Variants in WDR31 observed in about 807,000 individuals in gnomAD.
WDR31 encodes WD repeat domain 31.
WDR31 carries 30 observed loss-of-function variants against 47.3 expected under a neutral mutation model. The ratio of observed to expected loss-of-function variants is 0.63; its 90% CI spans 0.47 to 0.86. The LOEUF is 0.86. Ranked by LOEUF, WDR31 falls within the 40% of genes least tolerant of loss-of-function variation. The pLI is 0.00. For synonymous variants in WDR31, 137 were observed against 159.4 expected, an observed-to-expected ratio of 0.86 and a Z score of 1.06; for missense variants, 406 against 442.9, an observed-to-expected ratio of 0.92 and a Z score of 0.75.
rs191514399 is a variant in WDR31, at chr9:113,317,813, G to A, written c.943+662C>T. 1.5e-3 allele frequency among the ~76,000 whole-genome samples: 224 copies of A among 152,306 alleles called. 2 individuals are homozygous for A. The highest frequency in any genetic ancestry group is 5.1e-3 in the African/African-American group (212 of 41,544). On this transcript the variant is annotated intron_variant, in intron 10 of 10. Transcript: ENST00000374193. ...TGGGGTGCTGGTAAACCAGCTTTCT[G>A]GAAGAGAAAACACCACCACCACCGA...
rs1193300476 is a variant in WDR31 at position 113,331,037 on chromosome 9, A to G, written c.196T>C (p.Ser66Pro). ...TCTGAGTTCAAAGCAGCCACGACAG[A>G]GACGGTATCCATGTGAGCTGGGCTA... ...EYSPAHMDTV[S>P]VVAALNSDLC... The change falls in exon 4 of 11, where the codon TCT (serine) becomes CCT (proline). Residue 66 changes from serine to proline, a missense_variant. Physicochemically the swap from Ser to Pro is moderately conservative, Grantham distance 74. Transcript: ENST00000374193. The G allele has an allele frequency of 6.2e-7, 1 of 1,612,428 alleles. No individual in the cohort carries two copies. Among genetic ancestry groups the G allele is most frequent in the African/African-American group, 1.3e-5 (1 of 74,882 alleles).
At position 113,325,468 on chromosome 9, in the gene WDR31, G is replaced by A. The variant is rs78828876; in HGVS notation, c.325-2313C>T. Among the ~76,000 whole-genome samples, 437 of 151,896 alleles carry A rather than the reference G, an allele frequency of 2.9e-3. 12 individuals are homozygous for A. In the East Asian group the frequency reaches 0.069, roughly 24 times the overall value. On this transcript the variant is annotated intron_variant, in intron 5 of 10. Coordinates refer to ENST00000374193, the MANE Select transcript of WDR31 (RefSeq NM_001012361.4). ...CTATAAAATTGTATATTTGTTTTTAGAGTTATTTTTCCCTTTATATTTTTA... is the reference window on the plus strand; with the variant it reads ...CTATAAAATTGTATATTTGTTTTTAAAGTTATTTTTCCCTTTATATTTTTA...
intron 5 of WDR31, among the ~76,000 whole-genome samples, chr9:113,326,940 A>G (rs760827233): frequency 7.2e-5 from 11 of 151,978 alleles, no homozygotes; most frequent in Non-Finnish European, 1.5e-4. Context: ...GACTCAAGTG[A>G]TCCTTCCACA....
Position 113,328,871 on chromosome 9 carries a change from T to G in WDR31, c.324+10A>C. 6.2e-7 allele frequency: 1 copy of G among 1,610,366 alleles called. No individual in the cohort carries two copies. Among genetic ancestry groups the G allele is most frequent in the Non-Finnish European group, 8.5e-7 (1 of 1,176,518 alleles). On this transcript the variant is annotated intron_variant, in intron 5 of 10. Transcript: ENST00000374193. ...CCAGATTGCCTTCATAATAATCATT[T>G]GAAAATTACCTTGGTGATCTCATGT...
At chr9:113,324,607 C>G (rs1299379923) in intron 5 of WDR31, among the ~76,000 whole-genome samples, 2 of 151,900 alleles carry the variant, frequency 1.3e-5, no homozygotes, top group Admixed American at 1.3e-4. Context: ...TCAGGCTGGC[C>G]TCGAACTCCC....
chr9:113,317,633 T>C (rs1178068693), intron 10 of WDR31, among the ~76,000 whole-genome samples: 1 of 152,240 alleles, frequency 6.6e-6, no homozygotes, highest in Non-Finnish European at 1.5e-5. Flanking sequence ...GACATGGTCC[T>C]GCCTCTATTC....
At chr9:113,336,597 A>G (rs895506940) in intron 1 of WDR31, among the ~76,000 whole-genome samples, 157 bp from the exon 2 acceptor site, 4 of 152,230 alleles carry the variant, frequency 2.6e-5, no homozygotes, top group African/African-American at 9.6e-5. Context: ...TGTTAATTAT[A>G]TATCTATTTT....
At chr9:113,339,282 G>C (rs1262088552) in intron 1 of WDR31, among the ~76,000 whole-genome samples, 1 of 152,188 alleles carries the variant, frequency 6.6e-6, no homozygotes, top group Non-Finnish European at 1.5e-5. Context: ...ATTCCATGAA[G>C]AAACTGGGAC....
chr9:113,326,829 C>A (rs1833481216), intron 5 of WDR31, among the ~76,000 whole-genome samples: 1 of 151,804 alleles, frequency 6.6e-6, no homozygotes, highest in African/African-American at 2.4e-5. Flanking sequence ...CCAGATAATT[C>A]TTCTATTGTC....
At chr9:113,333,435 G>A (rs1026071887) in intron 2 of WDR31, among the ~76,000 whole-genome samples, 5 of 137,912 alleles carry the variant, frequency 3.6e-5, no homozygotes, top group Admixed American at 3.2e-4. Context: ...ACTGCGGACT[G>A]CAGTGGCGCA....
At position 113,316,780 on chromosome 9, in the gene WDR31, C is replaced by G. The variant is rs1009383481; in HGVS notation, c.1073G>C (p.Gly358Ala). ...TGCTGCCACTTCCTGCAGTTCCAGC[C>G]CTTGGCTGTGGTCCATTCTGAGTAA... is the stretch of plus-strand genomic sequence containing the variant. The part of the protein sequence containing the change: ...IHLLRMDHSQ[G>A]LELQEVAAF The change falls in exon 11 of 11, where the codon GGG (glycine) becomes GCG (alanine). Residue 358 changes from glycine (G) to alanine (A), a missense_variant. Transcript: ENST00000374193. 2 of 1,613,924 alleles carry G rather than the reference C, an allele frequency of 1.2e-6. No homozygotes were observed. The highest frequency in any genetic ancestry group is 1.7e-6 in the Non-Finnish European group (2 of 1,179,996).
intron 9 of WDR31, among the ~76,000 whole-genome samples, chr9:113,319,064 G>A (rs1294194570): frequency 2.6e-5 from 4 of 152,160 alleles, no homozygotes; most frequent in Non-Finnish European, 5.9e-5. Context: ...TGGGGACCCC[G>A]TAGTTAGAAG....
rs372573960 is a variant in WDR31 at position 113,333,300 on chromosome 9, A to T, written c.-28-1250T>A. On this transcript the variant is annotated intron_variant, in intron 2 of 10. Coordinates refer to ENST00000374193, the MANE Select transcript of WDR31 (RefSeq NM_001012361.4). ...TAATCAAAAATAAAAAATAATTTAC[A>T]CTACTGAAGCTTCTTGAAAAAGAAA... Among the ~76,000 whole-genome samples, 304 of 120,710 alleles carry T rather than the reference A, an allele frequency of 2.5e-3. 7 individuals are homozygous for T. The highest frequency in any genetic ancestry group is 7.0e-3 in the African/African-American group (276 of 39,170). The allele number at this position is 120,710 out of a possible 152,430, so 79.2% of individuals were successfully genotyped here.
At chr9:113,327,749 G>C (rs1588046030) in intron 5 of WDR31, among the ~76,000 whole-genome samples, 1 of 152,016 alleles carries the variant, frequency 6.6e-6, no homozygotes, top group East Asian at 1.9e-4. Flanking sequence ...GTCAGGAGTT[G>C]GAGACCAGCC....
chr9:113,328,015 G>A (rs1389495570), intron 5 of WDR31, among the ~76,000 whole-genome samples: 3 of 150,808 alleles, frequency 2.0e-5, no homozygotes, highest in Non-Finnish European at 4.4e-5. Flanking sequence ...ACAGGTATGA[G>A]CCACCATGCC....
chr9:113,324,407 T>TTTTTTTTTTTTTA (rs1833406368), intron 5 of WDR31, among the ~76,000 whole-genome samples: 1 of 141,904 alleles, frequency 7.0e-6, no homozygotes, highest in African/African-American at 2.8e-5. Context: ...TTTTTTTTTT[T>TTTTTTTTTTTTTA]GAGACAGGGT....
At chr9:113,322,422 C>T (rs1464756205) in intron 7 of WDR31, among the ~76,000 whole-genome samples, 2 of 152,132 alleles carry the variant, frequency 1.3e-5, no homozygotes, top group African/African-American at 2.4e-5. Flanking sequence ...AAAGGTAATG[C>T]TTATTTCTCC....
Position 113,315,480 on chromosome 9 carries a change from G to C in WDR31, c.*1269C>G, listed in dbSNP as rs1442751122. ...AACAGCCTCATGTGCCTTATGTGTG[G>C]GCATCTCTGAAGGCAGAAAGAACTC... On this transcript the variant is annotated 3_prime_UTR_variant, in exon 11 of 11. Coordinates refer to ENST00000374193, the MANE Select transcript of WDR31 (RefSeq NM_001012361.4). The C allele has an allele frequency of 6.6e-6, 1 of 151,990 alleles. No homozygotes were observed. The highest frequency in any genetic ancestry group is 1.5e-5 in the Non-Finnish European group (1 of 68,014). 9.4% of individuals were successfully genotyped at this position (151,990 alleles called of 1,614,324 possible).
intron 3 of WDR31, 56 bp downstream of exon 3, chr9:113,331,851 G>A: frequency 6.5e-7 from 1 of 1,531,602 alleles, no homozygotes; most frequent in Non-Finnish European, 9.0e-7. Context: ...TTTCTTCAGT[G>A]GAGAGTTTTA....
Sources: allele counts gnomAD v4.1 joint callset (sites outside exome capture counted in the v4.1 genomes callset), GRCh38; gene constraint gnomAD v4.1.1; transcripts MANE v1.5; gene names NCBI Gene and HGNC (gene_info 2026-07-23, HGNC 2026-07-21).